The following RBM19 variants were observed in gnomAD, a reference collection of about 807,000 sequenced individuals.
RBM19 encodes the protein RNA binding motif protein 19, also known as probable RNA-binding protein 19.
A neutral mutation model predicts 116.8 loss-of-function variants in RBM19; 94 were observed. The ratio of observed to expected loss-of-function variants is 0.80; its 90% CI spans 0.68 to 0.95. RBM19 has a LOEUF of 0.95. Ranked by LOEUF, RBM19 falls within the 40% of genes least tolerant of loss-of-function variation. RBM19 has a pLI of 0.00. For missense variants in RBM19, 1,161 were observed against 1,220.7 expected, an observed-to-expected ratio of 0.95 and a Z score of 0.73; for synonymous variants, 475 against 494.1, an observed-to-expected ratio of 0.96 and a Z score of 0.51.
intron 21 of RBM19, among the ~76,000 whole-genome samples, chr12:113,863,713 C>T (rs1036954629): frequency 5.3e-5 from 8 of 152,188 alleles, no homozygotes; most frequent in African/African-American, 1.4e-4. Context: ...AAGTCTGCTG[C>T]CACCTAAGAG....
chr12:113,882,168 T>C (rs572857493), intron 21 of RBM19, among the ~76,000 whole-genome samples: 1 of 152,288 alleles, frequency 6.6e-6, no homozygotes, highest in African/African-American at 2.4e-5. Context: ...GGCAGGTGTG[T>C]AGGAGAGATA....
At chr12:113,890,042 A>C (rs1880841248) in intron 21 of RBM19, among the ~76,000 whole-genome samples, 1 of 152,208 alleles carries the variant, frequency 6.6e-6, no homozygotes, top group South Asian at 2.1e-4. Context: ...GGAGCCTGGG[A>C]GTGGTAACCT....
intron 21 of RBM19, among the ~76,000 whole-genome samples, chr12:113,910,505 A>G (rs998894887): frequency 6.6e-5 from 10 of 152,224 alleles, no homozygotes; most frequent in African/African-American, 2.2e-4. Flanking sequence ...CTGTTTGCAG[A>G]ACCTCCTTCC....
At chr12:113,918,248 C>A in intron 20 of RBM19, 144 bp downstream of exon 20, 1 of 770,622 alleles carries the variant, frequency 1.3e-6, no homozygotes, top group Admixed American at 2.5e-5. Context: ...CATAATTAGG[C>A]ATCTTAATTA....
chr12:113,863,204 CGTGTGTCT>C (rs1878531201), intron 21 of RBM19, among the ~76,000 whole-genome samples: 1 of 98,404 alleles, frequency 1.0e-5, no homozygotes, highest in African/African-American at 3.7e-5. Context: ...AGACACAATA[CGTGTGTCT>C]GTGTGTGTGT....
At chr12:113,831,809 C>T (rs759675881) in intron 23 of RBM19, among the ~76,000 whole-genome samples, 9 of 152,224 alleles carry the variant, frequency 5.9e-5, no homozygotes, top group Non-Finnish European at 1.0e-4. Flanking sequence ...CAAAACACCG[C>T]CCAGCGAGGC....
At chr12:113,884,205 G>A (rs1166190337) in intron 21 of RBM19, among the ~76,000 whole-genome samples, 3 of 151,138 alleles carry the variant, frequency 2.0e-5, no homozygotes, top group Non-Finnish European at 4.4e-5. Flanking sequence ...GATCGCTTGA[G>A]CTAGGAGTTT....
At position 113,966,308 on chromosome 12, in the gene RBM19, C is replaced by T. The variant is rs866567750; in HGVS notation, c.-81G>A. 6.3e-6 allele frequency: 10 copies of T among 1,580,834 alleles called. No homozygotes were observed. Among genetic ancestry groups the T allele is most frequent in the Middle Eastern group, 1.7e-4 (1 of 6,018 alleles). On this transcript the variant is annotated 5_prime_UTR_variant, in exon 1 of 24. Transcript: ENST00000261741. The stretch of plus-strand genomic sequence containing the variant: ...AGTTTCACGCTACCGCCCTGGGCGC[C>T]GCCATCTTTACCGAGCCGGAACACA...
chr12:113,899,712 A>C (rs1278036316), intron 21 of RBM19, among the ~76,000 whole-genome samples: 1 of 151,936 alleles, frequency 6.6e-6, no homozygotes, highest in Non-Finnish European at 1.5e-5. Context: ...AGTGTTTGAG[A>C]CCTCCCTTTT....
At chr12:113,964,938 TGAA>T (rs1872749336) in intron 1 of RBM19, among the ~76,000 whole-genome samples, 1 of 138,964 alleles carries the variant, frequency 7.2e-6, no homozygotes, top group Admixed American at 7.5e-5. Flanking sequence ...ACCTGACAAA[TGAA>T]AAAAAAAAAA....
intron 19 of RBM19, among the ~76,000 whole-genome samples, chr12:113,918,870 A>C (rs1882941729): frequency 6.6e-6 from 1 of 152,212 alleles, no homozygotes; most frequent in Non-Finnish European, 1.5e-5. Flanking sequence ...TGGTCCCTCA[A>C]GGCAGAACTG....
At chr12:113,919,194 T>C (rs4767165) in intron 19 of RBM19, among the ~76,000 whole-genome samples, 29,185 of 152,142 alleles carry the variant, frequency 0.19, 3,299 homozygotes, top group East Asian at 0.52. Flanking sequence ...TAACACCTAC[T>C]GCATCTGCTT....
intron 21 of RBM19, among the ~76,000 whole-genome samples, chr12:113,914,690 C>A (rs1208236326): frequency 6.6e-6 from 1 of 152,250 alleles, no homozygotes; most frequent in Non-Finnish European, 1.5e-5. Flanking sequence ...GCCCCTCTTG[C>A]ACGTTGTGGA....
At chr12:113,878,680 CA>C (rs1366783624) in intron 21 of RBM19, among the ~76,000 whole-genome samples, 4 of 151,502 alleles carry the variant, frequency 2.6e-5, no homozygotes, top group African/African-American at 9.7e-5. Flanking sequence ...CACCCTCACT[CA>C]GCAAACGTCC....
chr12:113,884,050 G>A (rs527591415), intron 21 of RBM19, among the ~76,000 whole-genome samples: 35 of 149,948 alleles, frequency 2.3e-4, no homozygotes, highest in African/African-American at 8.5e-4. Context: ...TGAAGTGAGA[G>A]GACAGCTTGA....
chr12:113,937,256 TGGAGCCGGAA>T, intron 15 of RBM19, 120 bp from the exon 16 acceptor site: 1 of 1,292,482 alleles, frequency 7.7e-7, no homozygotes, highest in Non-Finnish European at 1.1e-6. Context: ...CACCCAAGAA[TGGAGCCGGAA>T]GGAGCCCAGC....
At chr12:113,899,630 G>T (rs1043887772) in intron 21 of RBM19, among the ~76,000 whole-genome samples, 1 of 152,192 alleles carries the variant, frequency 6.6e-6, no homozygotes, top group Non-Finnish European at 1.5e-5. Flanking sequence ...AGCACCTGGC[G>T]CAGTCCCTGC....
Position 113,959,218 on chromosome 12 carries a change from G to A in RBM19, c.565C>T (p.Leu189=), listed in dbSNP as rs1459256058. Residue 189 remains leucine, a synonymous_variant, in exon 5 of 24, where the codon CTG becomes TTG. Coordinates refer to ENST00000261741, the MANE Select transcript of RBM19 (RefSeq NM_016196.4). ...ESEEEGAGED[L]EEEASLEPKA... ...ACAGTCCCCATGCCCTCACCTTCCA[G>A]GTCCTCCCCGGCTCCCTCCTCCTCA... 6.2e-7 allele frequency: 1 copy of A among 1,609,744 alleles called. No homozygotes were observed. The highest frequency in any genetic ancestry group is 2.2e-5 in the East Asian group (1 of 44,796).
At chr12:113,879,859 T>C (rs147874535) in intron 21 of RBM19, among the ~76,000 whole-genome samples, 2 of 152,092 alleles carry the variant, frequency 1.3e-5, no homozygotes, top group African/African-American at 4.8e-5. Flanking sequence ...AGATGCCCAA[T>C]GGAGGGCAGT....
Sources: allele counts gnomAD v4.1 joint callset (sites outside exome capture counted in the v4.1 genomes callset), GRCh38; gene constraint gnomAD v4.1.1; transcripts MANE v1.5; gene names NCBI Gene and HGNC (gene_info 2026-07-23, HGNC 2026-07-21).